Variants in ADAM12 observed in about 807,000 individuals in gnomAD.
ADAM12 encodes the protein disintegrin and metalloproteinase domain-containing protein 12.
A neutral mutation model predicts 106.4 loss-of-function variants in ADAM12; 70 were observed. The ratio of observed to expected loss-of-function variants is 0.66; its 90% CI spans 0.54 to 0.80. The LOEUF (loss-of-function observed/expected upper bound fraction) is 0.80. Among genes scored for constraint, ADAM12 ranks in the 30% least tolerant of loss-of-function variants. The pLI, the probability that ADAM12 is intolerant of heterozygous loss-of-function variation, is 0.00. For missense variants in ADAM12, 1,010 were observed against 1,171.9 expected (o/e 0.86, Z 2.02); for synonymous variants, 420 against 433.5 (o/e 0.97, Z 0.39).
intron 7 of ADAM12, 81 bp downstream of exon 7, chr10:126,109,694 A>G: frequency 8.1e-7 from 1 of 1,240,280 alleles, no homozygotes; most frequent in Non-Finnish European, 1.1e-6. Flanking sequence ...GGTTCATTAA[A>G]GCAAGTAATA....
At chr10:126,163,717 C>T (rs1052660399) in intron 3 of ADAM12, among the ~76,000 whole-genome samples, 4 of 152,206 alleles carry the variant, frequency 2.6e-5, no homozygotes, top group Admixed American at 2.6e-4. Context: ...TGTGTTCTGC[C>T]AGGATTCTGT....
In ADAM12 at chr10:126,123,751, TG is replaced by T. The variant is rs553260708; in HGVS notation, c.417-5528del. 3.1e-3 allele frequency among the ~76,000 whole-genome samples: 472 copies of T among 152,190 alleles called. 1 individual carries two copies. Among genetic ancestry groups the T allele is most frequent in the African/African-American group, 0.011 (459 of 41,540 alleles). On this transcript the variant is annotated intron_variant, in intron 5 of 22. Coordinates refer to ENST00000448723, the MANE Select transcript of ADAM12 (RefSeq NM_001288973.2). Reference sequence around the variant, plus strand: ...AACCCCACACTCGCCTGCTTCCCTTTGTGCAGTTTTGAGAGAGGGGCCCAGA... The same window carrying T: ...AACCCCACACTCGCCTGCTTCCCTTTTGCAGTTTTGAGAGAGGGGCCCAGA...
intron 10 of ADAM12, among the ~76,000 whole-genome samples, chr10:126,094,360 C>T (rs148233263): frequency 0.01 from 1,543 of 152,166 alleles, 30 homozygotes; most frequent in African/African-American, 0.034. Flanking sequence ...GTCTGTATGC[C>T]GCACGTATAC....
At chr10:126,029,284 G>A (rs959319928) in intron 21 of ADAM12, among the ~76,000 whole-genome samples, 11 of 152,056 alleles carry the variant, frequency 7.2e-5, no homozygotes, top group South Asian at 2.1e-4. Context: ...TATTATACAC[G>A]CATGCATATG....
At chr10:126,216,196 CCTG>C (rs1041875962) in intron 3 of ADAM12, among the ~76,000 whole-genome samples, 7 of 152,186 alleles carry the variant, frequency 4.6e-5, no homozygotes, top group Non-Finnish European at 5.9e-5. Context: ...CTTAGTTGTT[CCTG>C]CTAAGGGTCC....
At chr10:126,186,458 C>T (rs1222212700) in intron 3 of ADAM12, among the ~76,000 whole-genome samples, 2 of 152,212 alleles carry the variant, frequency 1.3e-5, no homozygotes, top group African/African-American at 2.4e-5. Flanking sequence ...ACTCCTCAAA[C>T]AAGGGAGCAG....
intron 2 of ADAM12, among the ~76,000 whole-genome samples, chr10:126,299,665 T>TTTTTTTTTTTTTTG (rs1565199572): frequency 1.3e-5 from 2 of 152,148 alleles, no homozygotes; most frequent in Non-Finnish European, 2.9e-5. Flanking sequence ...TTTCTTTTTT[T>TTTTTTTTTTTTTTG]AACAGTCTCA....
chr10:126,121,515 ATATAT>A (rs1275997091), intron 5 of ADAM12, among the ~76,000 whole-genome samples: 1 of 141,718 alleles, frequency 7.1e-6, no homozygotes, highest in East Asian at 2.2e-4. Context: ...ATAGAAAATT[ATATAT>A]TATATAATTA....
At chr10:126,122,306 C>A (rs1449527225) in intron 5 of ADAM12, among the ~76,000 whole-genome samples, 1 of 152,158 alleles carries the variant, frequency 6.6e-6, no homozygotes, top group African/African-American at 2.4e-5. Context: ...CCAAACAGAT[C>A]ATTCAGGGAT....
chr10:126,278,950 T>C lies in ADAM12; in HGVS notation c.225A>G (p.Glu75=). 6.2e-7 allele frequency: 1 copy of C among 1,613,370 alleles called. No individual in the cohort carries two copies. ...CCAGATTTATGATCAGTTCTTTGCTTTCCCGTTGTAGTCGAATATTCAGCA... is the reference window on the plus strand; with the variant it reads ...CCAGATTTATGATCAGTTCTTTGCTCTCCCGTTGTAGTCGAATATTCAGCA... ...PEVLNIRLQR[E]SKELIINLER... The change falls in exon 3 of 23, where the codon GAA becomes GAG. Residue 75 remains glutamate, a synonymous_variant. Coordinates refer to ENST00000448723, the MANE Select transcript of ADAM12 (RefSeq NM_001288973.2).
chr10:126,021,342 G>A (rs1953763629), intron 21 of ADAM12, among the ~76,000 whole-genome samples: 1 of 152,208 alleles, frequency 6.6e-6, no homozygotes, highest in South Asian at 2.1e-4. Flanking sequence ...CTCTCACAGT[G>A]CCTATCATAT....
At chr10:126,286,323 G>C (rs1959859244) in intron 2 of ADAM12, among the ~76,000 whole-genome samples, 1 of 152,046 alleles carries the variant, frequency 6.6e-6, no homozygotes, top group Admixed American at 6.6e-5. Flanking sequence ...AGTAAGATTT[G>C]GGGTCAACAG....
chr10:126,161,987 T>C (rs1246216262), intron 3 of ADAM12, among the ~76,000 whole-genome samples: 7 of 152,184 alleles, frequency 4.6e-5, no homozygotes, highest in African/African-American at 1.4e-4. Flanking sequence ...GTAAAATGCA[T>C]TTTAACTGTG....
chr10:126,231,462 G>A (rs539312584), intron 3 of ADAM12, among the ~76,000 whole-genome samples: 1 of 151,616 alleles, frequency 6.6e-6, no homozygotes, highest in South Asian at 2.1e-4. Flanking sequence ...TACCCTTAAA[G>A]CAAAACTGCC....
chr10:126,383,924 G>A (rs1207117594), intron 1 of ADAM12, among the ~76,000 whole-genome samples: 1 of 152,082 alleles, frequency 6.6e-6, no homozygotes, highest in African/African-American at 2.4e-5. Context: ...AAGCTAGCAG[G>A]GGCCCTGGGT....
In ADAM12 at chr10:126,118,113, A is replaced by C. The variant is rs1956020540; in HGVS notation, c.528T>G (p.Cys176Trp). 6.2e-7 allele frequency: 1 copy of C among 1,614,062 alleles called. No homozygotes were observed. The highest frequency in any genetic ancestry group is 1.3e-5 in the African/African-American group (1 of 74,922). Residue 176 changes from cysteine to tryptophan, a missense_variant, in exon 6 of 23, where the codon TGT (cysteine) becomes TGG (tryptophan). Around this residue, in one of 3 missense-constraint regions of ADAM12, gnomAD observed 391 missense variants for 442.9 expected, o/e 0.88. Coordinates refer to ENST00000448723, the MANE Select transcript of ADAM12 (RefSeq NM_001288973.2). ...AKKLKSVRGS[C>W]GSHHNTPNLA... is the part of the protein sequence containing the mutation. ...GGTTTGGTGTGTTGTGATGTGATCC[A>C]CATGATCCCCGGACGCTTTTCAGCT...
At chr10:126,222,138 T>C (rs946408742) in intron 3 of ADAM12, among the ~76,000 whole-genome samples, 3 of 152,214 alleles carry the variant, frequency 2.0e-5, no homozygotes, top group Non-Finnish European at 4.4e-5. Context: ...CGTTCTTCTC[T>C]GGAAGGTACT....
intron 3 of ADAM12, among the ~76,000 whole-genome samples, chr10:126,220,144 C>G (rs1475751410): frequency 1.3e-5 from 2 of 152,234 alleles, no homozygotes; most frequent in Non-Finnish European, 2.9e-5. Flanking sequence ...AGCCTCCACT[C>G]TTCAGAGACA....
At chr10:126,054,704 C>T (rs1283306948) in intron 14 of ADAM12, among the ~76,000 whole-genome samples, 1 of 152,128 alleles carries the variant, frequency 6.6e-6, no homozygotes, top group Non-Finnish European at 1.5e-5. Flanking sequence ...GGTTCTGTCC[C>T]CTCATCTGTA....
Sources: allele counts gnomAD v4.1 joint callset (sites outside exome capture counted in the v4.1 genomes callset), GRCh38; gene constraint gnomAD v4.1.1; regional missense constraint gnomAD v4.1.1; transcripts MANE v1.5; gene names NCBI Gene and HGNC (gene_info 2026-07-23, HGNC 2026-07-21).